The following ZFHX3 variants were observed in gnomAD, a reference collection of about 807,000 sequenced individuals.
ZFHX3 encodes zinc finger homeobox protein 3.
ZFHX3 carries 42 observed loss-of-function variants against 279.1 expected under a neutral mutation model. The ratio of observed to expected loss-of-function variants is 0.15; its 90% CI spans 0.12 to 0.19. The LOEUF is 0.19. ZFHX3 is among the 10% of genes least tolerant of loss of function. ZFHX3 has a pLI of 1.00. For missense variants in ZFHX3, 4,981 were observed against 4,754.0 expected (o/e 1.05, Z -1.40); for synonymous variants, 2,293 against 1,957.8 (o/e 1.17, Z -4.52).
intron 3 of ZFHX3, among the ~76,000 whole-genome samples, chr16:73,433,986 T>A (rs1474166450): frequency 6.6e-6 from 1 of 152,186 alleles, no homozygotes; most frequent in Non-Finnish European, 1.5e-5. Context: ...TGCGTGTCCC[T>A]TCTGGGAGGG....
At chr16:73,586,525 G>C (rs542401186) in intron 2 of ZFHX3, among the ~76,000 whole-genome samples, 1 of 150,954 alleles carries the variant, frequency 6.6e-6, no homozygotes, top group Admixed American at 6.6e-5. Flanking sequence ...ATTATTATTG[G>C]ATAAAATAGA....
intron 3 of ZFHX3, among the ~76,000 whole-genome samples, chr16:72,894,810 T>C (rs2038857741): frequency 6.6e-6 from 1 of 152,168 alleles, no homozygotes; most frequent in Non-Finnish European, 1.5e-5. Flanking sequence ...AGGAAATTTT[T>C]CTCCCACGCA....
At chr16:72,965,442 C>T (rs938115599) in intron 1 of ZFHX3, among the ~76,000 whole-genome samples, 3 of 152,140 alleles carry the variant, frequency 2.0e-5, no homozygotes, top group Admixed American at 2.0e-4. Flanking sequence ...GGAGAAGCTG[C>T]TGCAAAGAAC....
At chr16:73,855,957 C>G (rs2142384835) in intron 1 of ZFHX3, among the ~76,000 whole-genome samples, 1 of 152,206 alleles carries the variant, frequency 6.6e-6, no homozygotes, top group South Asian at 2.1e-4. Flanking sequence ...AGAAGAAAAT[C>G]AATACCCAAT....
intron 7 of ZFHX3, among the ~76,000 whole-genome samples, chr16:73,110,037 G>A (rs918820590): frequency 2.0e-5 from 3 of 151,742 alleles, no homozygotes; most frequent in African/African-American, 7.3e-5. Flanking sequence ...TCAGGAGATC[G>A]AGACCATCCT....
At chr16:73,123,999 G>A (rs1449825674) in intron 7 of ZFHX3, among the ~76,000 whole-genome samples, 2 of 152,190 alleles carry the variant, frequency 1.3e-5, no homozygotes, top group Non-Finnish European at 2.9e-5. Flanking sequence ...AGTCTGTGGT[G>A]TTTTGTTATA....
At chr16:73,624,568 A>G (rs1256657241) in intron 2 of ZFHX3, among the ~76,000 whole-genome samples, 1 of 152,038 alleles carries the variant, frequency 6.6e-6, no homozygotes, top group East Asian at 1.9e-4. Flanking sequence ...AAATTATAGA[A>G]TGTCCATCAT....
chr16:73,152,816 G>A (rs12325133), intron 5 of ZFHX3, among the ~76,000 whole-genome samples: 1,866 of 150,178 alleles, frequency 0.012, 22 homozygotes, highest in Middle Eastern at 0.031. Context: ...GGGAGAGAAG[G>A]GGGCTGGGGG....
At chr16:73,008,261 A>G (rs1171432494) in intron 1 of ZFHX3, among the ~76,000 whole-genome samples, 1 of 152,204 alleles carries the variant, frequency 6.6e-6, no homozygotes, top group Non-Finnish European at 1.5e-5. Flanking sequence ...ATTTAGATAT[A>G]CAGAGTTCTC....
At chr16:73,300,256 C>G (rs575468743) in intron 4 of ZFHX3, among the ~76,000 whole-genome samples, 16 of 102,902 alleles carry the variant, frequency 1.6e-4, no homozygotes, top group South Asian at 7.6e-4. Context: ...GAGTGAGACT[C>G]TGTCTCTTAA....
chr16:73,606,858 T>C (rs1413745014), intron 2 of ZFHX3, among the ~76,000 whole-genome samples: 2 of 152,144 alleles, frequency 1.3e-5, no homozygotes, highest in Non-Finnish European at 2.9e-5. Context: ...CTGGGTTAGT[T>C]TGCTGAGGAT....
intron 3 of ZFHX3, among the ~76,000 whole-genome samples, chr16:72,902,520 T>C (rs536393651): frequency 1.3e-5 from 2 of 152,310 alleles, no homozygotes; most frequent in Admixed American, 1.3e-4. Flanking sequence ...AAGGCACCCG[T>C]CCCTGGGGAC....
upstream of ZFHX3, among the ~76,000 whole-genome samples, chr16:73,064,192 G>C (rs1075855): frequency 0.71 from 107,185 of 151,818 alleles, 38,581 homozygotes; most frequent in East Asian, 0.9. Context: ...GGAGGCAGGT[G>C]GGGGGTGCGG....
intron 5 of ZFHX3, among the ~76,000 whole-genome samples, chr16:73,250,044 G>A (rs778188786): frequency 3.3e-5 from 5 of 152,182 alleles, no homozygotes; most frequent in Non-Finnish European, 5.9e-5. Flanking sequence ...TCTATGTAAT[G>A]CAGAAGGTAC....
At chr16:72,988,704 A>C (rs1366105845) in intron 1 of ZFHX3, among the ~76,000 whole-genome samples, 1 of 152,270 alleles carries the variant, frequency 6.6e-6, no homozygotes, top group Non-Finnish European at 1.5e-5. Flanking sequence ...CCCCCACATT[A>C]ATACATGTGT....
intron 5 of ZFHX3, among the ~76,000 whole-genome samples, chr16:73,190,188 G>A (rs370965275): frequency 1.8e-4 from 28 of 152,356 alleles, no homozygotes; most frequent in African/African-American, 6.7e-4. Context: ...GGAAGCTGCT[G>A]ACATGTGTAA....
chr16:72,820,476 T>A (rs976843732), intron 5 of ZFHX3, among the ~76,000 whole-genome samples: 27 of 152,174 alleles, frequency 1.8e-4, no homozygotes, highest in Admixed American at 6.5e-4. Context: ...CAACATCAGC[T>A]GTTGGTCTGT....
At chr16:73,804,926 G>A (rs141192731) in intron 1 of ZFHX3, among the ~76,000 whole-genome samples, 1,372 of 115,908 alleles carry the variant, frequency 0.012, 69 homozygotes, top group African/African-American at 0.056. Context: ...GAGGGAGAGG[G>A]AGGGAGGGAG....
chr16:73,476,801 G>A (rs779570661), intron 2 of ZFHX3, among the ~76,000 whole-genome samples: 14 of 152,120 alleles, frequency 9.2e-5, no homozygotes, highest in Non-Finnish European at 1.8e-4. Context: ...ATTAAAAAAT[G>A]GAGTATTACT....
Sources: gnomAD v4.1 joint callset for allele counts (sites outside exome capture counted in the v4.1 genomes callset) on GRCh38, gnomAD v4.1.1 for gene constraint, MANE v1.5 for transcripts, NCBI Gene and HGNC (gene_info 2026-07-23, HGNC 2026-07-21) for gene names.